The following TPTE2 variants were observed in gnomAD, a reference collection of about 807,000 sequenced individuals.
TPTE2 encodes the protein transmembrane phosphoinositide 3-phosphatase and tensin homolog 2.
In TPTE2, 53 loss-of-function variants were observed where a neutral mutation model predicts 78.6. That is an observed-to-expected ratio of 0.67 (90% CI 0.54 to 0.85). The LOEUF (loss-of-function observed/expected upper bound fraction) is 0.85. Among genes scored for constraint, TPTE2 ranks in the 40% least tolerant of loss-of-function variants. The pLI is 0.00. For missense variants in TPTE2, 461 were observed against 623.0 expected (o/e 0.74, Z 2.77); for synonymous variants, 175 against 206.2 (o/e 0.85, Z 1.30).
At chr13:19,470,361 C>T (rs745436370) in intron 6 of TPTE2, among the ~76,000 whole-genome samples, 6 of 152,110 alleles carry the variant, frequency 3.9e-5, no homozygotes, top group Non-Finnish European at 7.3e-5. Context: ...ACCATCCTTG[C>T]ATCCCAGAGA....
chr13:19,469,364 A>G (rs7337131), intron 6 of TPTE2, among the ~76,000 whole-genome samples: 3,729 of 152,204 alleles, frequency 0.025, 63 homozygotes, highest in Middle Eastern at 0.051. Context: ...TGGGTTCTCT[A>G]TTCTGTTCCA....
chr13:19,474,289 T>C (rs1879810256), intron 5 of TPTE2, among the ~76,000 whole-genome samples: 1 of 152,148 alleles, frequency 6.6e-6, no homozygotes, highest in East Asian at 1.9e-4. Flanking sequence ...CAGTTCTTAA[T>C]AAACAAAATT....
intron 10 of TPTE2, among the ~76,000 whole-genome samples, chr13:19,457,634 G>A (rs1015333596): frequency 1.5e-4 from 23 of 151,830 alleles, no homozygotes; most frequent in South Asian, 1.0e-3. Context: ...TTGGTTTTCT[G>A]TCCCTGTGTT....
chr13:19,437,230 G>A (rs543272887), intron 14 of TPTE2, among the ~76,000 whole-genome samples: 1 of 152,216 alleles, frequency 6.6e-6, no homozygotes, highest in African/African-American at 2.4e-5. Context: ...CAAAATCTGT[G>A]TATCTCAAAT....
At chr13:19,546,840 T>C in the TPTE2 span, among the ~76,000 whole-genome samples, 3 of 151,030 alleles carry the variant, frequency 2.0e-5, no homozygotes, top group Non-Finnish European at 4.4e-5. Flanking sequence ...AAAAACCCAA[T>C]GGAGAGGTTG....
upstream of TPTE2, among the ~76,000 whole-genome samples, chr13:19,536,952 T>C (rs1008338740): frequency 1.1e-4 from 17 of 150,758 alleles, no homozygotes; most frequent in Non-Finnish European, 2.4e-4. Flanking sequence ...TATATAATTA[T>C]ATAGAACATA....
chr13:19,530,717 G>A (rs1448484391), intron 1 of TPTE2, among the ~76,000 whole-genome samples: 1 of 151,898 alleles, frequency 6.6e-6, no homozygotes, highest in Non-Finnish European at 1.5e-5. Context: ...AAGAGATGGG[G>A]TCTCACTATG....
chr13:19,475,481 C>A, intron 5 of TPTE2, 92 bp downstream of exon 8: 1 of 1,429,482 alleles, frequency 7.0e-7, no homozygotes. Flanking sequence ...CCGCCTCAGC[C>A]CCCCAGAGTG....
At chr13:19,494,612 T>C (rs1430689165) in intron 1 of TPTE2, among the ~76,000 whole-genome samples, 1 of 152,118 alleles carries the variant, frequency 6.6e-6, no homozygotes, top group Non-Finnish European at 1.5e-5. Context: ...TTTCACGATG[T>C]TTGCCAGCCT....
chr13:19,528,376 A>G (rs566382514), intron 1 of TPTE2, among the ~76,000 whole-genome samples: 3 of 151,092 alleles, frequency 2.0e-5, no homozygotes, highest in South Asian at 4.2e-4. Context: ...AACAAGAGCG[A>G]AACTCCATCT....
At position 19,451,175 on chromosome 13, in the gene TPTE2, G is replaced by C; in HGVS notation, c.792C>G (p.Tyr264Ter). 2.5e-6 allele frequency: 4 copies of C among 1,613,380 alleles called. No individual in the cohort carries two copies. The highest frequency in any genetic ancestry group is 3.4e-6 in the Non-Finnish European group (4 of 1,179,570). ...GAGTAATGTACATACTGCATAGATT[G>C]TAGACTCGATAGTGGTTTCGATGTT... The change falls in exon 11 of 20, where the codon TAC becomes TAG. Residue 264 changes from tyrosine to a stop codon, truncating the protein, a stop_gained. Coordinates refer to ENST00000400230, the Ensembl canonical transcript of TPTE2. LOFTEE classifies it high-confidence loss of function.
rs1263915128 is a variant in TPTE2, at chr13:19,497,527, C to G, written c.12-4026G>C. Among the ~76,000 whole-genome samples, 2 of 78,148 alleles carry G rather than the reference C, an allele frequency of 2.6e-5. 1 individual carries two copies. The highest frequency in any genetic ancestry group is 2.9e-4 in the Admixed American group (2 of 6,844). 51.3% of individuals were successfully genotyped at this position (78,148 alleles called of 152,430 possible). A position where few individuals can be genotyped will look rare whatever the true frequency, so the allele number is the denominator to read the frequency against. The stretch of plus-strand genomic sequence containing the variant: ...GAGCAGCCTAACTGGGAGGCACCCC[C>G]CAGCAGGGGCACACTGACACCTCAC... On this transcript the variant is annotated intron_variant, in intron 1 of 19. Transcript: ENST00000400230.
chr13:19,553,992 T>C, the TPTE2 span, among the ~76,000 whole-genome samples: 1 of 152,232 alleles, frequency 6.6e-6, no homozygotes, highest in Non-Finnish European at 1.5e-5. Flanking sequence ...ATCCCTTGGC[T>C]ACCTTTTTCC....
chr13:19,532,423 T>C (rs2446461), intron 1 of TPTE2, among the ~76,000 whole-genome samples: 150,010 of 152,236 alleles, frequency 0.99, 73,951 homozygotes, highest in Middle Eastern at 1. Context: ...GAGGACAAAG[T>C]ATTCTTCCCC....
At chr13:19,551,156 T>C in the TPTE2 span, among the ~76,000 whole-genome samples, 4 of 152,308 alleles carry the variant, frequency 2.6e-5, no homozygotes, top group East Asian at 7.7e-4. Flanking sequence ...AAAGAGCTGG[T>C]ACCCAGGTTG....
chr13:19,433,493 A>T (rs1195271897), intron 15 of TPTE2, among the ~76,000 whole-genome samples: 1 of 152,110 alleles, frequency 6.6e-6, no homozygotes, highest in African/African-American at 2.4e-5. Context: ...ACAGAGCGAG[A>T]CTCTGTCTCA....
At chr13:19,532,814 G>A (rs144722840) in intron 1 of TPTE2, among the ~76,000 whole-genome samples, 15 of 152,312 alleles carry the variant, frequency 9.8e-5, no homozygotes, top group Middle Eastern at 6.8e-3. Context: ...AGAAGTGACC[G>A]AAACTGACAC....
upstream of TPTE2, among the ~76,000 whole-genome samples, chr13:19,540,311 G>GT (rs991163162): frequency 4.2e-5 from 2 of 47,254 alleles, no homozygotes; most frequent in African/African-American, 9.2e-5. Flanking sequence ...TATTATTATG[G>GT]TTTTTTTTAA....
chr13:19,442,509 A>G (rs1025350950), intron 13 of TPTE2, among the ~76,000 whole-genome samples: 22 of 152,136 alleles, frequency 1.4e-4, no homozygotes, highest in Non-Finnish European at 5.9e-5. Flanking sequence ...CATGTCAAGA[A>G]GTCAGGAAAA....
Sources: allele counts gnomAD v4.1 joint callset (sites outside exome capture counted in the v4.1 genomes callset), GRCh38; gene constraint gnomAD v4.1.1; transcripts MANE v1.5; gene names NCBI Gene and HGNC (gene_info 2026-07-23, HGNC 2026-07-21).